FHIT: variants seen among roughly 807,000 people sequenced by gnomAD.
The protein encoded by FHIT is bis(5'-adenosyl)-triphosphatase.
A neutral mutation model predicts 17.9 loss-of-function variants in FHIT; 19 were observed. The observed-to-expected ratio is 1.06, with a 90% CI of 0.74 to 1.56. FHIT has a LOEUF of 1.56. Among genes scored for constraint, FHIT ranks in the 40% most tolerant of loss-of-function variants. The probability of loss-of-function intolerance (pLI) is 0.00; values close to 1 mark genes in which losing one functional copy is unlikely to be tolerated. For synonymous variants in FHIT, 81 were observed against 69.7 expected, an observed-to-expected ratio of 1.16 and a Z score of -0.81; for missense variants, 248 against 189.2, an observed-to-expected ratio of 1.31 and a Z score of -1.82.
chr3:60,709,928 A>C (rs2041474920), intron 4 of FHIT, among the ~76,000 whole-genome samples: 1 of 152,182 alleles, frequency 6.6e-6, no homozygotes, highest in Non-Finnish European at 1.5e-5. Context: ...TGCTTCTTTC[A>C]TGCAGAAAAA....
intron 5 of FHIT, among the ~76,000 whole-genome samples, chr3:60,508,724 G>C (rs569789374): frequency 1.3e-5 from 2 of 152,132 alleles, no homozygotes; most frequent in South Asian, 2.1e-4. Context: ...ATCCAAATCT[G>C]TGAGATTTGT....
At chr3:59,812,576 T>A (rs1438626163) in intron 8 of FHIT, among the ~76,000 whole-genome samples, 1 of 152,200 alleles carries the variant, frequency 6.6e-6, no homozygotes, top group Admixed American at 6.5e-5. Context: ...GAGGGTCAAG[T>A]TTCTGCTTCC....
At chr3:60,704,563 G>C (rs2041326114) in intron 4 of FHIT, among the ~76,000 whole-genome samples, 1 of 152,070 alleles carries the variant, frequency 6.6e-6, no homozygotes, top group Admixed American at 6.6e-5. Flanking sequence ...ACATTTCAAG[G>C]GGTTATTGTT....
intron 5 of FHIT, among the ~76,000 whole-genome samples, chr3:60,477,880 C>G (rs555960176): frequency 6.6e-6 from 1 of 152,016 alleles, no homozygotes; most frequent in South Asian, 2.1e-4. Context: ...ACTTTTTCAC[C>G]CTGTTCATAG....
At chr3:60,395,385 C>G (rs1277103893) in intron 5 of FHIT, among the ~76,000 whole-genome samples, 6 of 152,136 alleles carry the variant, frequency 3.9e-5, no homozygotes, top group Non-Finnish European at 8.8e-5. Flanking sequence ...AGTTTAAAAT[C>G]CTTGTTCAAA....
At chr3:60,412,026 C>G (rs886726349) in intron 5 of FHIT, among the ~76,000 whole-genome samples, 1 of 151,918 alleles carries the variant, frequency 6.6e-6, no homozygotes, top group African/African-American at 2.4e-5. Context: ...AACATTTTTT[C>G]ACCTGTATTA....
intron 5 of FHIT, among the ~76,000 whole-genome samples, chr3:60,083,127 AG>A (rs1467641937): frequency 1.3e-5 from 2 of 151,988 alleles, no homozygotes; most frequent in African/African-American, 4.8e-5. Flanking sequence ...GTCAATTTTG[AG>A]GTAATTTTTG....
At chr3:60,578,114 A>G (rs1268781458) in intron 4 of FHIT, among the ~76,000 whole-genome samples, 2 of 152,052 alleles carry the variant, frequency 1.3e-5, no homozygotes, top group Non-Finnish European at 2.9e-5. Context: ...TTAAATACAG[A>G]AAGGGATGGA....
chr3:60,982,632 A>G (rs181377124), intron 3 of FHIT, among the ~76,000 whole-genome samples: 4 of 152,212 alleles, frequency 2.6e-5, no homozygotes, highest in African/African-American at 7.2e-5. Context: ...ACAGATCTCA[A>G]TGGGGACTCT....
intron 5 of FHIT, among the ~76,000 whole-genome samples, chr3:60,310,700 TAGAGG>T (rs1413882336): frequency 6.6e-6 from 1 of 152,030 alleles, no homozygotes; most frequent in Non-Finnish European, 1.5e-5. Flanking sequence ...GGACACAGAT[TAGAGG>T]AAAGAAAGAA....
intron 4 of FHIT, among the ~76,000 whole-genome samples, chr3:60,712,350 A>T (rs1207154207): frequency 1.3e-5 from 2 of 152,216 alleles, no homozygotes; most frequent in African/African-American, 4.8e-5. Flanking sequence ...CATCGAAACT[A>T]GGAAGAAATT....
chr3:60,900,525 T>G (rs933591829), intron 3 of FHIT, among the ~76,000 whole-genome samples: 6 of 152,098 alleles, frequency 3.9e-5, no homozygotes, highest in African/African-American at 1.4e-4. Context: ...AAAATCATGG[T>G]GAAGAAAACA....
At chr3:60,849,441 A>AATATATATATATATAT (rs10662932) in intron 3 of FHIT, among the ~76,000 whole-genome samples, 82 of 137,680 alleles carry the variant, frequency 6.0e-4, no homozygotes, top group African/African-American at 2.0e-3. Flanking sequence ...ACAAAAATGA[A>AATATATATATATATAT]ATATATATAT....
intron 4 of FHIT, among the ~76,000 whole-genome samples, chr3:60,626,805 C>CTTTT (rs34696094): frequency 7.3e-6 from 1 of 136,132 alleles, no homozygotes. Context: ...TTTTTTTTTA[C>CTTTT]GTTAAGTATG....
At position 59,984,908 on chromosome 3, in the gene FHIT, G is replaced by A. The variant is rs546748333; in HGVS notation, c.279+26463C>T. ...GTGGTCCCTAATCTTAAGAGTAGCA[G>A]CAGGGTCAGCAGTATTGGGCTTCAC... is the stretch of plus-strand genomic sequence containing the variant. On this transcript the variant is annotated intron_variant, in intron 7 of 9. Coordinates refer to ENST00000492590, the MANE Select transcript of FHIT (RefSeq NM_002012.4). 1.6e-4 allele frequency among the ~76,000 whole-genome samples: 24 copies of A among 152,224 alleles called. No individual in the cohort carries two copies. In the South Asian group the frequency reaches 4.8e-3, roughly 30 times the overall value.
chr3:61,117,919 G>A (rs2036347085), intron 2 of FHIT, among the ~76,000 whole-genome samples: 1 of 152,120 alleles, frequency 6.6e-6, no homozygotes, highest in Non-Finnish European at 1.5e-5. Flanking sequence ...GCTGCGAGTG[G>A]CAAACAGGAT....
rs1046377025 is a variant in FHIT, at chr3:59,747,349, T to C, written c.*2236A>G. Among the ~76,000 whole-genome samples the C allele has an allele frequency of 9.2e-5, 14 of 152,104 alleles. No individual in the cohort carries two copies. The highest frequency in any genetic ancestry group is 3.1e-4 in the African/African-American group (13 of 41,410). ...GGCAAAAGAGGAGCAAAGCCACATC[T>C]TACATGGCAGCAGGCAAGACAGCGT... On this transcript the variant is annotated 3_prime_UTR_variant, in exon 10 of 10. Transcript: ENST00000492590.
intron 5 of FHIT, among the ~76,000 whole-genome samples, chr3:60,220,719 T>C (rs1703923272): frequency 6.6e-6 from 1 of 152,152 alleles, no homozygotes; most frequent in Non-Finnish European, 1.5e-5. Flanking sequence ...TCATGCATGG[T>C]GGCAACAAAA....
At chr3:59,901,899 A>G (rs1022249493) in intron 8 of FHIT, among the ~76,000 whole-genome samples, 42 of 152,364 alleles carry the variant, frequency 2.8e-4, no homozygotes, top group African/African-American at 9.9e-4. Flanking sequence ...CTGTCTATCA[A>G]ATGATGAACA....
Sources: gnomAD v4.1 joint callset for allele counts (sites outside exome capture counted in the v4.1 genomes callset) on GRCh38, gnomAD v4.1.1 for gene constraint, MANE v1.5 for transcripts, NCBI Gene and HGNC (gene_info 2026-07-23, HGNC 2026-07-21) for gene names.